The following SARNP variants were observed in gnomAD, a reference collection of about 807,000 sequenced individuals.
The protein encoded by SARNP is SAP domain containing ribonucleoprotein.
In SARNP, 5 loss-of-function variants were observed where a neutral mutation model predicts 38.1. The observed-to-expected ratio is 0.13, with a 90% confidence interval of 0.07 to 0.28. The LOEUF (loss-of-function observed/expected upper bound fraction) is 0.28, where lower values mean the gene tolerates loss of function less well. Among genes scored for constraint, SARNP ranks in the 10% least tolerant of loss-of-function variants. SARNP has a pLI of 1.00. For synonymous variants in SARNP, 84 were observed against 80.6 expected, an observed-to-expected ratio of 1.04 and a Z score of -0.23; for missense variants, 180 against 243.9, an observed-to-expected ratio of 0.74 and a Z score of 1.75.
intron 9 of SARNP, among the ~76,000 whole-genome samples, chr12:55,786,894 C>T (rs1343157228): frequency 6.6e-6 from 1 of 152,098 alleles, no homozygotes; most frequent in Non-Finnish European, 1.5e-5. Context: ...CAGCATCATG[C>T]TAGGCACATG....
intron 9 of SARNP, among the ~76,000 whole-genome samples, chr12:55,763,973 C>A (rs908230574): frequency 3.3e-5 from 5 of 152,140 alleles, no homozygotes; most frequent in African/African-American, 1.2e-4. Context: ...AACAGTAGGA[C>A]AATTAAGTGC....
chr12:55,802,122 C>T (rs1050350397), intron 2 of SARNP, among the ~76,000 whole-genome samples: 1 of 152,216 alleles, frequency 6.6e-6, no homozygotes, highest in Non-Finnish European at 1.5e-5. Context: ...CTTGATAGGA[C>T]AGTGCCAAGT....
intron 2 of SARNP, 108 bp from the exon 3 acceptor site, chr12:55,801,008 T>C: frequency 1.1e-6 from 1 of 884,108 alleles, no homozygotes. Context: ...AATCCAACAG[T>C]GAAGGCAGAA....
At chr12:55,784,282 G>C (rs1174555317) in intron 9 of SARNP, among the ~76,000 whole-genome samples, 1 of 152,112 alleles carries the variant, frequency 6.6e-6, no homozygotes, top group African/African-American at 2.4e-5. Context: ...AGAATCCCAG[G>C]ATGAAGTGGA....
intron 9 of SARNP, among the ~76,000 whole-genome samples, chr12:55,780,950 C>A (rs374918195): frequency 6.6e-6 from 1 of 152,196 alleles, no homozygotes; most frequent in Admixed American, 6.5e-5. Flanking sequence ...ACTGAAACAA[C>A]GGAAAGCACA....
At chr12:55,778,834 G>A (rs1879260878) in intron 9 of SARNP, among the ~76,000 whole-genome samples, 1 of 152,122 alleles carries the variant, frequency 6.6e-6, no homozygotes, top group Admixed American at 6.6e-5. Context: ...AGCCGGGCAT[G>A]GTGGCGCACA....
chr12:55,787,124 CA>C (rs900730902), intron 9 of SARNP, among the ~76,000 whole-genome samples: 9 of 151,392 alleles, frequency 5.9e-5, no homozygotes, highest in African/African-American at 2.2e-4. Flanking sequence ...CCCACCTACT[CA>C]GGAGGCTGAG....
chr12:55,786,428 G>C (rs1366839172), intron 9 of SARNP, among the ~76,000 whole-genome samples: 1 of 143,364 alleles, frequency 7.0e-6, no homozygotes, highest in Non-Finnish European at 1.5e-5. Flanking sequence ...CAACACAAGT[G>C]AGCTTTGGTT....
intron 7 of SARNP, among the ~76,000 whole-genome samples, chr12:55,791,559 G>A (rs536390875): frequency 1.2e-3 from 190 of 152,258 alleles, no homozygotes; most frequent in Non-Finnish European, 2.5e-3. Context: ...GCCAGGCGTG[G>A]TGGCGTACAC....
In SARNP at chr12:55,794,816, C is replaced by G; in HGVS notation, c.368G>C (p.Arg123Pro). 6.2e-7 allele frequency: 1 copy of G among 1,609,084 alleles called. No homozygotes were observed. The highest frequency in any genetic ancestry group is 1.1e-5 in the South Asian group (1 of 90,936). ...PVSLESKKAARAARFGISSVP... is the reference protein window; with the variant it reads ...PVSLESKKAAPAARFGISSVP... ...GGCTGGGGACACTCACCTAGCTGCC[C>G]GAGCAGCTTTCTTACTCTCCAAGCT... The change falls in exon 6 of 11, where the codon CGG (arginine) becomes CCG (proline). Residue 123 changes from arginine (R) to proline (P), a missense_variant. Arg to Pro is a moderately radical substitution (Grantham distance 103, BLOSUM62 -2). Around this residue, in one of 2 missense-constraint regions of SARNP, gnomAD observed 161 missense variants for 194.1 expected, o/e 0.83. Transcript: ENST00000336133.
chr12:55,804,040 GTTT>G (rs1458897928), intron 1 of SARNP, among the ~76,000 whole-genome samples: 1 of 152,100 alleles, frequency 6.6e-6, no homozygotes, highest in Non-Finnish European at 1.5e-5. Flanking sequence ...GGGGAAAAAG[GTTT>G]TTTTCTTAAG....
chr12:55,803,800 C>A (rs987290723), intron 1 of SARNP, 72 bp from the exon 2 acceptor site: 2 of 984,054 alleles, frequency 2.0e-6, no homozygotes, highest in African/African-American at 1.6e-5. Flanking sequence ...GTAGTTCCCA[C>A]AAGGAAAAGA....
chr12:55,810,179 C>T lies in SARNP; in HGVS notation c.37-6451G>A, dbSNP rs145142928. Among the ~76,000 whole-genome samples the T allele has an allele frequency of 3.6e-3, 543 of 152,284 alleles. 5 individuals are homozygous for T. The highest frequency in any genetic ancestry group is 0.013 in the African/African-American group (525 of 41,550). On this transcript the variant is annotated intron_variant, in intron 1 of 10. Transcript: ENST00000336133. ...CCAGACTGGAATGCAGCAGTGCAAT[C>T]GCAGCTCACTGCAGCCTCGACCTCC...
At position 55,774,458 on chromosome 12, in the gene SARNP, GCCTGTAATC is replaced by G. The variant is rs1417512150; in HGVS notation, c.502-13827_502-13819del. Among the ~76,000 whole-genome samples the G allele has an allele frequency of 9.8e-4, 147 of 150,300 alleles. 1 individual carries two copies. The highest frequency in any genetic ancestry group is 3.5e-3 in the African/African-American group (145 of 40,934). On this transcript the variant is annotated intron_variant, in intron 9 of 10. Coordinates refer to ENST00000336133, the MANE Select transcript of SARNP (RefSeq NM_033082.4). Reference sequence around the variant, plus strand: ...CAACGGGCTAGGCACGGTGGCTCATGCCTGTAATCCCAGGACTTTGGGAGGCCTACGTGG... The same window carrying G: ...CAACGGGCTAGGCACGGTGGCTCATGCCAGGACTTTGGGAGGCCTACGTGG...
intron 1 of SARNP, 135 bp from the exon 2 acceptor site, chr12:55,803,863 C>T (rs1312846802): frequency 1.7e-6 from 1 of 593,780 alleles, no homozygotes; most frequent in Non-Finnish European, 3.0e-6. Flanking sequence ...TCTACCAAGG[C>T]TCTAGGTCCA....
intron 1 of SARNP, among the ~76,000 whole-genome samples, chr12:55,816,872 T>C (rs377359669): frequency 6.6e-6 from 1 of 152,128 alleles, no homozygotes. Context: ...TGTCAGCCAA[T>C]GGTAACACCA....
intron 7 of SARNP, 95 bp downstream of exon 7, chr12:55,794,264 A>T (rs770523383): frequency 9.0e-7 from 1 of 1,111,126 alleles, no homozygotes; most frequent in South Asian, 1.3e-5. Context: ...TTCTACAGCT[A>T]GCAAATTTAC....
intron 9 of SARNP, among the ~76,000 whole-genome samples, chr12:55,773,991 AG>A (rs1202894208): frequency 6.6e-6 from 1 of 151,994 alleles, no homozygotes; most frequent in Non-Finnish European, 1.5e-5. Context: ...TACAGGCATG[AG>A]CCAATGCACC....
chr12:55,804,847 C>G (rs1880090426), intron 1 of SARNP, among the ~76,000 whole-genome samples: 1 of 152,156 alleles, frequency 6.6e-6, no homozygotes, highest in African/African-American at 2.4e-5. Context: ...TATGACCAAT[C>G]AGTAGAAGCT....
Sources: allele counts gnomAD v4.1 joint callset (sites outside exome capture counted in the v4.1 genomes callset), GRCh38; gene constraint gnomAD v4.1.1; regional missense constraint gnomAD v4.1.1; transcripts MANE v1.5; gene names NCBI Gene and HGNC (gene_info 2026-07-23, HGNC 2026-07-21).